Variants in PM20D2 observed in about 807,000 individuals in gnomAD.
PM20D2 encodes the protein peptidase M20 domain containing 2, also known as xaa-Arg dipeptidase.
A neutral mutation model predicts 42.9 loss-of-function variants in PM20D2; 33 were observed. That is an observed-to-expected ratio of 0.77 (90% CI 0.58 to 1.03). PM20D2 has a LOEUF of 1.03. Ranked by LOEUF, PM20D2 falls within the 50% of genes least tolerant of loss-of-function variation. The probability of loss-of-function intolerance (pLI) is 0.00; values close to 1 mark genes in which losing one functional copy is unlikely to be tolerated. For synonymous variants in PM20D2, 250 were observed against 228.2 expected (o/e 1.10, Z -0.86); for missense variants, 548 against 557.0 (o/e 0.98, Z 0.16).
intron 1 of PM20D2, among the ~76,000 whole-genome samples, chr6:89,148,122 T>C (rs1770672892): frequency 6.6e-6 from 1 of 151,100 alleles, no homozygotes; most frequent in Non-Finnish European, 1.5e-5. Context: ...GGATTACAGG[T>C]GTGTGCCACC....
chr6:89,141,977 A>ATTTAT (rs60637755), upstream of PM20D2, among the ~76,000 whole-genome samples: 128 of 148,712 alleles, frequency 8.6e-4, no homozygotes, highest in African/African-American at 3.0e-3. Context: ...CTTATTTACT[A>ATTTAT]TTTATTTTAT....
chr6:89,117,726 C>T, the PM20D2 span: 2 of 1,252,234 alleles, frequency 1.6e-6, no homozygotes, highest in Non-Finnish European at 2.1e-6. Flanking sequence ...CTCCGCGCAG[C>T]TCCCCCGAGC....
the PM20D2 span, chr6:89,118,093 G>GGGC: frequency 1.5e-4 from 23 of 155,742 alleles, no homozygotes; most frequent in Middle Eastern, 3.3e-3. Flanking sequence ...CCGGGGGCGG[G>GGGC]GGCGGCGCCG....
At chr6:89,124,346 T>C in the PM20D2 span, among the ~76,000 whole-genome samples, 1 of 152,228 alleles carries the variant, frequency 6.6e-6, no homozygotes, top group Non-Finnish European at 1.5e-5. Flanking sequence ...GTGTAACATA[T>C]AAAACTAAAT....
Position 89,149,372 on chromosome 6 carries a change from A to G in PM20D2, c.573A>G (p.Ser191=), listed in dbSNP as rs1395885806. The change falls in exon 2 of 7, where the codon TCA becomes TCG. Residue 191 remains serine, a synonymous_variant. Coordinates refer to ENST00000275072, the MANE Select transcript of PM20D2 (RefSeq NM_001010853.3). The part of the protein sequence containing the change: ...NLDVVFMAHP[S]QENAAYLPDM... ...ATGTTGTTTTTATGGCCCACCCATCACAAGAGAATGCTGCTTATCTACCAG... is the reference window on the plus strand; with the variant it reads ...ATGTTGTTTTTATGGCCCACCCATCGCAAGAGAATGCTGCTTATCTACCAG... 13 of 1,614,008 alleles carry G rather than the reference A, an allele frequency of 8.1e-6. No homozygotes were observed. The highest frequency in any genetic ancestry group is 6.7e-5 in the Admixed American group (4 of 60,014).
chr6:89,159,681 A>G (rs1051740912), intron 5 of PM20D2, among the ~76,000 whole-genome samples: 4 of 152,186 alleles, frequency 2.6e-5, no homozygotes, highest in African/African-American at 9.7e-5. Flanking sequence ...AAGTAGATGT[A>G]ATGTTTAGGA....
intron 2 of PM20D2, among the ~76,000 whole-genome samples, chr6:89,150,263 G>A (rs1434877569): frequency 6.6e-6 from 1 of 152,154 alleles, no homozygotes; most frequent in Non-Finnish European, 1.5e-5. Context: ...TCTTATCACT[G>A]GAAATTGGTA....
the PM20D2 span, among the ~76,000 whole-genome samples, chr6:89,140,854 G>A: frequency 6.6e-6 from 1 of 152,116 alleles, no homozygotes; most frequent in African/African-American, 2.4e-5. Flanking sequence ...TCACTTTGTG[G>A]GCCATTTGAA....
chr6:89,099,365 T>G, the PM20D2 span, among the ~76,000 whole-genome samples: 3 of 140,688 alleles, frequency 2.1e-5, no homozygotes, highest in East Asian at 6.3e-4. Context: ...TGTATTAGAC[T>G]AATCTTCCCA....
At chr6:89,100,014 C>T in the PM20D2 span, among the ~76,000 whole-genome samples, 1 of 152,148 alleles carries the variant, frequency 6.6e-6, no homozygotes, top group African/African-American at 2.4e-5. Flanking sequence ...GGCTATTTGA[C>T]TAAGCTGAAG....
At chr6:89,112,629 C>G in the PM20D2 span, among the ~76,000 whole-genome samples, 1 of 151,736 alleles carries the variant, frequency 6.6e-6, no homozygotes, top group South Asian at 2.1e-4. Flanking sequence ...CCAGGCTGGC[C>G]TTGAACTCCT....
At chr6:89,099,241 C>T in the PM20D2 span, among the ~76,000 whole-genome samples, 8 of 151,040 alleles carry the variant, frequency 5.3e-5, no homozygotes, top group South Asian at 2.1e-4. Flanking sequence ...TTAAGAGGTA[C>T]AAAAATCTGA....
At chr6:89,114,743 G>A in the PM20D2 span, among the ~76,000 whole-genome samples, 26,095 of 152,152 alleles carry the variant, frequency 0.17, 3,017 homozygotes, top group Non-Finnish European at 0.25. Context: ...CCTGCATGAC[G>A]TTTAAACATT....
the PM20D2 span, among the ~76,000 whole-genome samples, chr6:89,133,228 C>A: frequency 1.3e-5 from 2 of 149,460 alleles, no homozygotes; most frequent in East Asian, 1.9e-4. Context: ...GATCCTGTCT[C>A]TAAAAAATAA....
In PM20D2 at chr6:89,158,384, G is replaced by GA. The variant is rs1457120196; in HGVS notation, c.975dup (p.Ala326SerfsTer33). The GA allele has an allele frequency of 1.2e-6, 2 of 1,612,054 alleles. No individual in the cohort carries two copies. Among genetic ancestry groups the GA allele is most frequent in the Admixed American group, 1.7e-5 (1 of 59,514 alleles). ...ATGTTCTTCCCAATAAGAGCCTATG[G>GA]AAAGCCTATATGGAAAATGGAAGAA... On this transcript the variant is annotated frameshift_variant, in exon 5 of 7. Transcript: ENST00000275072. LOFTEE classifies it high-confidence loss of function.
intron 5 of PM20D2, among the ~76,000 whole-genome samples, chr6:89,160,895 C>CA (rs1341153884): frequency 1.3e-5 from 2 of 151,618 alleles, no homozygotes; most frequent in Non-Finnish European, 2.9e-5. Context: ...GGTCCTGTGA[C>CA]AGGGAGAGCA....
At chr6:89,152,412 C>T (rs147998204) in intron 2 of PM20D2, among the ~76,000 whole-genome samples, 4 of 147,086 alleles carry the variant, frequency 2.7e-5, no homozygotes, top group African/African-American at 1.0e-4. Flanking sequence ...TTTCTCTAAT[C>T]TTTTTTTTTT....
the PM20D2 span, among the ~76,000 whole-genome samples, chr6:89,126,883 T>G: frequency 6.6e-6 from 1 of 152,102 alleles, no homozygotes; most frequent in Non-Finnish European, 1.5e-5. Flanking sequence ...TCTTGTCATA[T>G]CAGAAAAAAG....
the PM20D2 span, among the ~76,000 whole-genome samples, chr6:89,119,608 A>G: frequency 6.6e-6 from 1 of 152,208 alleles, no homozygotes; most frequent in African/African-American, 2.4e-5. Context: ...GCCCGAAACA[A>G]CAGAAATTTA....
Sources: gnomAD v4.1 joint callset for allele counts (sites outside exome capture counted in the v4.1 genomes callset) on GRCh38, gnomAD v4.1.1 for gene constraint, MANE v1.5 for transcripts, NCBI Gene and HGNC (gene_info 2026-07-23, HGNC 2026-07-21) for gene names.